Variants in NRG3 observed in about 807,000 individuals in gnomAD.
NRG3 encodes the protein pro-neuregulin-3, membrane-bound isoform.
Under a neutral mutation model 66.9 loss-of-function variants are expected in NRG3, and 31 were observed. The ratio of observed to expected loss-of-function variants is 0.46; its 90% CI spans 0.35 to 0.63. The LOEUF (loss-of-function observed/expected upper bound fraction) is 0.63. Ranked by LOEUF, NRG3 falls within the 20% of genes least tolerant of loss-of-function variation. The pLI, the probability that NRG3 is intolerant of heterozygous loss-of-function variation, is 0.00. For missense variants in NRG3, 910 were observed against 878.9 expected (o/e 1.04, Z -0.45); for synonymous variants, 393 against 359.4 (o/e 1.09, Z -1.06).
intron 1 of NRG3, among the ~76,000 whole-genome samples, chr10:81,952,445 GGA>G (rs908533499): frequency 4.0e-5 from 6 of 151,528 alleles, no homozygotes; most frequent in Non-Finnish European, 7.4e-5. Context: ...AGGGGGGTGC[GGA>G]GAGAGAGAGA....
At chr10:82,899,855 A>G (rs1455144046) in intron 4 of NRG3, among the ~76,000 whole-genome samples, 1 of 152,242 alleles carries the variant, frequency 6.6e-6, no homozygotes, top group East Asian at 1.9e-4. Context: ...GAAGAAATTA[A>G]TGGTTACGAG....
intron 4 of NRG3, among the ~76,000 whole-genome samples, chr10:82,913,661 T>G (rs1845547557): frequency 6.6e-6 from 1 of 152,232 alleles, no homozygotes; most frequent in South Asian, 2.1e-4. Context: ...TGTGGAAGTC[T>G]GTAATACTTA....
chr10:82,618,390 C>A (rs1317846401), intron 2 of NRG3, among the ~76,000 whole-genome samples: 1 of 152,020 alleles, frequency 6.6e-6, no homozygotes, highest in Non-Finnish European at 1.5e-5. Context: ...GAGGACAATC[C>A]AAAGTTGAAT....
In NRG3 at chr10:81,888,477, T is replaced by A. The variant is rs535795116; in HGVS notation, c.823+12314T>A. Among the ~76,000 whole-genome samples the A allele has an allele frequency of 1.1e-4, 17 of 152,262 alleles. No homozygotes were observed. The South Asian group carries it at 3.5e-3, about 32-fold the overall frequency. On this transcript the variant is annotated intron_variant, in intron 1 of 8. Coordinates refer to ENST00000372141, the MANE Select transcript of NRG3 (RefSeq NM_001010848.4). ...TTTTTGTTGAGAAGATCAGAAGATA[T>A]GCACCAAAGAATCATTAAGTGCTGA...
intron 4 of NRG3, among the ~76,000 whole-genome samples, chr10:82,899,200 GTAC>G (rs1429589328): frequency 6.6e-6 from 1 of 152,094 alleles, no homozygotes; most frequent in Admixed American, 6.5e-5. Flanking sequence ...ACACTAAAAA[GTAC>G]CCCCTTATTT....
intron 3 of NRG3, among the ~76,000 whole-genome samples, chr10:82,808,013 C>A (rs923575213): frequency 6.6e-6 from 1 of 152,034 alleles, no homozygotes; most frequent in Non-Finnish European, 1.5e-5. Context: ...CAAAAATTTT[C>A]TCCAATAAAT....
intron 2 of NRG3, among the ~76,000 whole-genome samples, chr10:82,570,936 G>A (rs535462994): frequency 6.6e-6 from 1 of 151,722 alleles, no homozygotes; most frequent in Non-Finnish European, 1.5e-5. Context: ...GAAAATTTCA[G>A]AGTACTCAAC....
At chr10:82,844,319 C>A (rs983565059) in intron 3 of NRG3, among the ~76,000 whole-genome samples, 7 of 152,188 alleles carry the variant, frequency 4.6e-5, no homozygotes, top group Admixed American at 1.3e-4. Context: ...GCTGCACTCT[C>A]TATTAATCCA....
chr10:82,238,471 A>G (rs2076856348), intron 1 of NRG3, among the ~76,000 whole-genome samples: 1 of 152,208 alleles, frequency 6.6e-6, no homozygotes, highest in Non-Finnish European at 1.5e-5. Flanking sequence ...TCACATTGGT[A>G]GTAAGTGACT....
intron 2 of NRG3, among the ~76,000 whole-genome samples, chr10:82,554,183 T>C (rs901171693): frequency 6.4e-4 from 98 of 152,116 alleles, no homozygotes; most frequent in African/African-American, 1.9e-3. Context: ...ATGTTTTAAG[T>C]GGAATTGCCT....
At chr10:82,036,519 G>A (rs956225914) in intron 1 of NRG3, among the ~76,000 whole-genome samples, 9 of 152,122 alleles carry the variant, frequency 5.9e-5, no homozygotes, top group South Asian at 2.1e-4. Flanking sequence ...ATGATTCAAA[G>A]CTTATGCTTT....
rs12257101 is a variant in NRG3 at position 82,109,735 on chromosome 10, A to G, written c.823+233572A>G. Among the ~76,000 whole-genome samples, 1,377 of 152,244 alleles carry G rather than the reference A, an allele frequency of 9.0e-3. 28 individuals are homozygous for G. The highest frequency in any genetic ancestry group is 0.031 in the African/African-American group (1,293 of 41,542). On this transcript the variant is annotated intron_variant, in intron 1 of 8. Coordinates refer to ENST00000372141, the MANE Select transcript of NRG3 (RefSeq NM_001010848.4). ...ATTAAGTGACCATTTAGTGATTTTC[A>G]AACACTGTAACATGTAATTTCCTGA...
chr10:81,964,173 A>C lies in NRG3; in HGVS notation c.823+88010A>C, dbSNP rs147791812. Among the ~76,000 whole-genome samples, 330 of 152,306 alleles carry C rather than the reference A, an allele frequency of 2.2e-3. 1 individual carries two copies. The highest frequency in any genetic ancestry group is 0.01 in the Middle Eastern group (3 of 294). ...TCAAGATATACACAGATATGTGAAC[A>C]TGTATAATTTACTCCAATGGAATCA... On this transcript the variant is annotated intron_variant, in intron 1 of 8. Coordinates refer to ENST00000372141, the MANE Select transcript of NRG3 (RefSeq NM_001010848.4).
intron 5 of NRG3, 58 bp downstream of exon 5, chr10:82,951,629 ACTTT>A: frequency 7.0e-7 from 1 of 1,432,664 alleles, no homozygotes; most frequent in Non-Finnish European, 9.8e-7. Context: ...GCTTTGTGTT[ACTTT>A]AAGTTCTCAG....
At chr10:81,951,641 A>G (rs1228174412) in intron 1 of NRG3, among the ~76,000 whole-genome samples, 1 of 152,158 alleles carries the variant, frequency 6.6e-6, no homozygotes, top group Non-Finnish European at 1.5e-5. Flanking sequence ...GCTCTGTTGT[A>G]TTCAACTTCT....
intron 4 of NRG3, among the ~76,000 whole-genome samples, chr10:82,892,700 TAAATA>T (rs1319850423): frequency 3.0e-4 from 46 of 151,088 alleles, no homozygotes; most frequent in Non-Finnish European, 5.0e-4. Context: ...AATAAATAAA[TAAATA>T]AAAGTTAAAA....
chr10:82,881,260 T>C (rs1247924290), intron 4 of NRG3, among the ~76,000 whole-genome samples: 1 of 152,206 alleles, frequency 6.6e-6, no homozygotes, highest in Non-Finnish European at 1.5e-5. Context: ...ACACTTCAGA[T>C]ATGGATGCTT....
rs575373268 is a variant in NRG3 at position 82,602,822 on chromosome 10, C to T, written c.954-135755C>T. ...TGAGTGAAATCCTGCATCTTGTCAG[C>T]CAACACACCTTGGCCATTTGTTACT... On this transcript the variant is annotated intron_variant, in intron 2 of 8. Coordinates refer to ENST00000372141, the MANE Select transcript of NRG3 (RefSeq NM_001010848.4). 3.9e-5 allele frequency among the ~76,000 whole-genome samples: 6 copies of T among 152,262 alleles called. No homozygotes were observed. The South Asian group carries it at 1.2e-3, about 32-fold the overall frequency.
At chr10:81,876,354 G>T (rs968922392) in intron 1 of NRG3, among the ~76,000 whole-genome samples, 191 bp downstream of exon 1, 31 of 152,296 alleles carry the variant, frequency 2.0e-4, no homozygotes, top group African/African-American at 6.3e-4. Context: ...TTCTGGGGGG[G>T]TGGGGGCGTG....
Sources: gnomAD v4.1 joint callset for allele counts (sites outside exome capture counted in the v4.1 genomes callset) on GRCh38, gnomAD v4.1.1 for gene constraint, MANE v1.5 for transcripts, NCBI Gene and HGNC (gene_info 2026-07-23, HGNC 2026-07-21) for gene names.